DLG2: variants seen among roughly 807,000 people sequenced by gnomAD.
The protein encoded by DLG2 is disks large homolog 2.
DLG2 carries 45 observed loss-of-function variants against 132.5 expected under a neutral mutation model. The observed-to-expected ratio is 0.34, with a 90% CI of 0.27 to 0.44. The LOEUF (loss-of-function observed/expected upper bound fraction) is 0.44, where lower values mean the gene tolerates loss of function less well. Among genes scored for constraint, DLG2 ranks in the 20% least tolerant of loss-of-function variants. DLG2 has a pLI of 1.00. For synonymous variants in DLG2, 424 were observed against 419.6 expected (o/e 1.01, Z -0.13); for missense variants, 1,045 against 1,196.9 (o/e 0.87, Z 1.87).
chr11:84,863,266 G>C (rs138473793), intron 6 of DLG2, among the ~76,000 whole-genome samples: 2,136 of 152,108 alleles, frequency 0.014, 27 homozygotes, highest in Non-Finnish European at 0.023. Flanking sequence ...CCCAGTGCCA[G>C]CTCTTGCCAT....
Position 83,551,191 on chromosome 11 carries a change from A to G in DLG2, c.1941-9333T>C, listed in dbSNP as rs2096381989. Among the ~76,000 whole-genome samples the G allele has an allele frequency of 4.6e-5, 7 of 152,234 alleles. No individual in the cohort carries two copies. In the South Asian group the frequency reaches 1.5e-3, roughly 32 times the overall value. ...GGTCCTTATAAGAATTACACATGAG[A>G]GCTTTTAGAATCCAGTAGGTACTCA... On this transcript the variant is annotated intron_variant, in intron 19 of 27. Transcript: ENST00000376104.
intron 2 of DLG2, among the ~76,000 whole-genome samples, chr11:85,620,156 A>G (rs1269098542): frequency 6.6e-6 from 1 of 152,096 alleles, no homozygotes; most frequent in Admixed American, 6.5e-5. Context: ...TTAGTCTTTT[A>G]TTTGTTACAG....
chr11:84,635,449 A>G (rs1387562854), intron 6 of DLG2, among the ~76,000 whole-genome samples: 1 of 152,218 alleles, frequency 6.6e-6, no homozygotes, highest in Non-Finnish European at 1.5e-5. Flanking sequence ...GGAAAGCTAA[A>G]GCATTTAGAA....
chr11:84,780,618 C>T (rs568195425), intron 6 of DLG2, among the ~76,000 whole-genome samples: 2 of 152,186 alleles, frequency 1.3e-5, no homozygotes, highest in South Asian at 2.1e-4. Flanking sequence ...TCCTTATCCA[C>T]ATTTGGTACT....
chr11:85,194,360 T>C (rs1334806481), intron 4 of DLG2, among the ~76,000 whole-genome samples: 3 of 152,206 alleles, frequency 2.0e-5, no homozygotes, highest in South Asian at 2.1e-4. Context: ...CCCTTGGTAC[T>C]TTCCAGCACA....
chr11:84,474,530 A>C (rs1047329986), intron 7 of DLG2, among the ~76,000 whole-genome samples: 2 of 152,048 alleles, frequency 1.3e-5, no homozygotes, highest in Non-Finnish European at 2.9e-5. Context: ...GAGTGTGTTG[A>C]AGCCAACTCC....
intron 6 of DLG2, among the ~76,000 whole-genome samples, chr11:85,005,925 T>C (rs1018940973): frequency 3.9e-5 from 6 of 152,352 alleles, no homozygotes; most frequent in South Asian, 4.1e-4. Context: ...TGAGAGTTTT[T>C]AGCATGAAGG....
chr11:84,323,271 CT>C (rs2098414689), intron 7 of DLG2, among the ~76,000 whole-genome samples: 1 of 152,174 alleles, frequency 6.6e-6, no homozygotes, highest in African/African-American at 2.4e-5. Flanking sequence ...AGTTCAGATA[CT>C]TCTTATAAGC....
intron 7 of DLG2, among the ~76,000 whole-genome samples, chr11:84,400,384 CTAGACCATA>C (rs2154446431): frequency 6.6e-6 from 1 of 152,284 alleles, no homozygotes; most frequent in Non-Finnish European, 1.5e-5. Flanking sequence ...TTAAGATTAA[CTAGACCATA>C]TAGCTCACTG....
rs1246119342 is a variant in DLG2, at chr11:85,322,632, CCAAAAA to C, written c.41-37273_41-37268del. Among the ~76,000 whole-genome samples the C allele has an allele frequency of 1.2e-4, 18 of 152,182 alleles. No individual in the cohort carries two copies. In the South Asian group the frequency reaches 3.7e-3, roughly 32 times the overall value. ...TTTGAAACAGTAAATGGTTCCATAA[CCAAAAA>C]CAAAAACAATAACAAAAATCTTATT... On this transcript the variant is annotated intron_variant, in intron 3 of 27. Transcript: ENST00000376104.
intron 3 of DLG2, among the ~76,000 whole-genome samples, chr11:85,355,802 T>C (rs530406996): frequency 6.6e-6 from 1 of 152,348 alleles, no homozygotes; most frequent in East Asian, 1.9e-4. Context: ...AATGTGGCCC[T>C]GTTTGCTATC....
At chr11:83,854,669 T>A (rs1292604606) in intron 16 of DLG2, among the ~76,000 whole-genome samples, 1 of 152,128 alleles carries the variant, frequency 6.6e-6, no homozygotes, top group African/African-American at 2.4e-5. Context: ...GGAGAAAATC[T>A]AGATGACCTT....
intron 7 of DLG2, among the ~76,000 whole-genome samples, chr11:84,413,089 G>C (rs977474044): frequency 6.6e-6 from 1 of 152,166 alleles, no homozygotes; most frequent in Admixed American, 6.5e-5. Flanking sequence ...AATGATGAAT[G>C]AATGACCTAG....
chr11:84,209,630 T>G (rs886105038), intron 8 of DLG2, among the ~76,000 whole-genome samples: 3 of 151,980 alleles, frequency 2.0e-5, no homozygotes, highest in African/African-American at 7.2e-5. Context: ...AAAAAAAAAT[T>G]TGTTCGTGAA....
intron 7 of DLG2, among the ~76,000 whole-genome samples, chr11:84,533,879 A>G (rs1462074750): frequency 3.0e-5 from 4 of 132,976 alleles, no homozygotes; most frequent in African/African-American, 5.6e-5. Flanking sequence ...TATCCCAAAC[A>G]CAAAATCCAG....
intron 7 of DLG2, among the ~76,000 whole-genome samples, chr11:84,415,141 T>C (rs1375155204): frequency 1.3e-5 from 2 of 152,200 alleles, no homozygotes; most frequent in Admixed American, 1.3e-4. Flanking sequence ...AAAGATGTTA[T>C]TCTAAGAAGA....
At chr11:84,227,397 G>C (rs1352349094) in intron 8 of DLG2, among the ~76,000 whole-genome samples, 1 of 152,176 alleles carries the variant, frequency 6.6e-6, no homozygotes, top group East Asian at 1.9e-4. Flanking sequence ...CCAGGCCTTA[G>C]AGGAGGTCAT....
At chr11:84,699,837 C>T (rs546526303) in intron 6 of DLG2, among the ~76,000 whole-genome samples, 1 of 151,706 alleles carries the variant, frequency 6.6e-6, no homozygotes, top group East Asian at 2.0e-4. Context: ...AGAAGGCAAA[C>T]CTCATGCACT....
intron 16 of DLG2, among the ~76,000 whole-genome samples, chr11:83,849,680 G>C (rs1210566862): frequency 1.3e-5 from 2 of 151,246 alleles, no homozygotes; most frequent in Non-Finnish European, 2.9e-5. Context: ...ACTTCTCTCA[G>C]CATAGCATGT....
Sources: allele counts gnomAD v4.1 joint callset (sites outside exome capture counted in the v4.1 genomes callset), GRCh38; gene constraint gnomAD v4.1.1; transcripts MANE v1.5; gene names NCBI Gene and HGNC (gene_info 2026-07-23, HGNC 2026-07-21).